The following NRCAM variants were observed in gnomAD, a reference collection of about 807,000 sequenced individuals.
NRCAM encodes NgCAM-related cell adhesion molecule.
Under a neutral mutation model 156.5 loss-of-function variants are expected in NRCAM, and 83 were observed. The ratio of observed to expected loss-of-function variants is 0.53; its 90% CI spans 0.44 to 0.64. NRCAM has a LOEUF of 0.64. Among genes scored for constraint, NRCAM ranks in the 30% least tolerant of loss-of-function variants. The pLI is 0.00. For synonymous variants in NRCAM, 538 were observed against 563.9 expected, an observed-to-expected ratio of 0.95 and a Z score of 0.65; for missense variants, 1,417 against 1,597.3, an observed-to-expected ratio of 0.89 and a Z score of 1.92.
chr7:108,297,805 G>A (rs530267390), intron 3 of NRCAM, among the ~76,000 whole-genome samples: 13 of 152,354 alleles, frequency 8.5e-5, no homozygotes, highest in Middle Eastern at 3.4e-3. Context: ...GCACGTATGT[G>A]TGTGTATATG....
rs112233366 is a variant in NRCAM, at chr7:108,269,519, T to C, written c.-106-29349A>G. ...AGTCACGCAGAAGGAAGGGTCTCACTGGGAGGGAAAGGATGGGTGACGGGG... is the reference window on the plus strand; with the variant it reads ...AGTCACGCAGAAGGAAGGGTCTCACCGGGAGGGAAAGGATGGGTGACGGGG... On this transcript the variant is annotated intron_variant, in intron 3 of 32. Coordinates refer to ENST00000379028, the MANE Select transcript of NRCAM (RefSeq NM_001037132.4). Among the ~76,000 whole-genome samples, 150 of 152,176 alleles carry C rather than the reference T, an allele frequency of 9.9e-4. 1 individual carries two copies. The highest frequency in any genetic ancestry group is 3.5e-3 in the African/African-American group (144 of 41,524).
At chr7:108,431,330 C>T (rs1034189727) in intron 1 of NRCAM, among the ~76,000 whole-genome samples, 2 of 152,192 alleles carry the variant, frequency 1.3e-5, no homozygotes, top group Non-Finnish European at 2.9e-5. Flanking sequence ...ACATCAGCAC[C>T]CTCCCTGCCA....
intron 2 of NRCAM, among the ~76,000 whole-genome samples, chr7:108,373,717 T>C (rs1156694369): frequency 1.3e-5 from 2 of 152,206 alleles, no homozygotes; most frequent in Non-Finnish European, 2.9e-5. Flanking sequence ...GCAAGACTTG[T>C]GAACTTGTGA....
chr7:108,357,319 G>A (rs1188602075), intron 2 of NRCAM, among the ~76,000 whole-genome samples: 1 of 148,112 alleles, frequency 6.8e-6, no homozygotes, highest in Non-Finnish European at 1.5e-5. Context: ...GTACTCTTTT[G>A]TTAGGTGGGG....
intron 3 of NRCAM, among the ~76,000 whole-genome samples, chr7:108,241,389 T>A (rs1275296876): frequency 6.6e-6 from 1 of 152,162 alleles, no homozygotes; most frequent in Non-Finnish European, 1.5e-5. Context: ...CCTGAAATGA[T>A]AGGTTTAATC....
intron 25 of NRCAM, among the ~76,000 whole-genome samples, chr7:108,179,020 TTGTC>T (rs2062110245): frequency 1.3e-5 from 2 of 152,314 alleles, no homozygotes; most frequent in South Asian, 2.1e-4. Flanking sequence ...CTAGATGTCT[TTGTC>T]TGGTCCTAAA....
chr7:108,285,678 C>G (rs781734806), intron 3 of NRCAM, among the ~76,000 whole-genome samples: 9 of 152,172 alleles, frequency 5.9e-5, no homozygotes, highest in Non-Finnish European at 1.3e-4. Context: ...CATTGGGAAG[C>G]TAGAAACAAA....
At chr7:108,257,022 AAAAG>A (rs2096704523) in intron 3 of NRCAM, among the ~76,000 whole-genome samples, 1 of 138,558 alleles carries the variant, frequency 7.2e-6, no homozygotes, top group Non-Finnish European at 1.7e-5. Flanking sequence ...AAAAAAAAGA[AAAAG>A]AAAAAGAAAA....
intron 20 of NRCAM, among the ~76,000 whole-genome samples, chr7:108,187,868 T>C (rs557650551): frequency 1.3e-5 from 2 of 151,528 alleles, no homozygotes; most frequent in Non-Finnish European, 2.9e-5. Context: ...GGCAGGAGAA[T>C]GGCGTGAACC....
chr7:108,185,520 G>A (rs1308366940), intron 20 of NRCAM, among the ~76,000 whole-genome samples: 2 of 152,078 alleles, frequency 1.3e-5, no homozygotes, highest in Non-Finnish European at 2.9e-5. Context: ...TGGAGTCCAG[G>A]AGTCTGAGAC....
chr7:108,447,694 G>C (rs949755238), intron 1 of NRCAM, among the ~76,000 whole-genome samples: 1 of 152,130 alleles, frequency 6.6e-6, no homozygotes, highest in African/African-American at 2.4e-5. Flanking sequence ...AATAACTTTA[G>C]CTTTCAATTC....
intron 3 of NRCAM, among the ~76,000 whole-genome samples, chr7:108,256,536 A>T (rs2096671054): frequency 1.3e-5 from 2 of 151,208 alleles, no homozygotes; most frequent in Non-Finnish European, 3.0e-5. Context: ...CCTTGTTCAC[A>T]TGTTTATCTG....
At chr7:108,163,278 C>T (rs945982851) in intron 30 of NRCAM, among the ~76,000 whole-genome samples, 1 of 152,044 alleles carries the variant, frequency 6.6e-6, no homozygotes, top group African/African-American at 2.4e-5. Flanking sequence ...GCTTTGTTTT[C>T]TGGAAGTCAG....
At chr7:108,256,174 T>TG (rs2096652056) in intron 3 of NRCAM, among the ~76,000 whole-genome samples, 1 of 143,710 alleles carries the variant, frequency 7.0e-6, no homozygotes, top group Non-Finnish European at 1.5e-5. Flanking sequence ...GTGGTTTTGT[T>TG]GAATAGAAAA....
chr7:108,402,957 G>C (rs1405994463), intron 1 of NRCAM, among the ~76,000 whole-genome samples: 1 of 152,136 alleles, frequency 6.6e-6, no homozygotes, highest in African/African-American at 2.4e-5. Context: ...CCATACGAGA[G>C]AGCATGTGAA....
intron 13 of NRCAM, among the ~76,000 whole-genome samples, chr7:108,199,381 G>A (rs1430869131): frequency 6.6e-6 from 1 of 152,206 alleles, no homozygotes; most frequent in Non-Finnish European, 1.5e-5. Context: ...CACGGTTGCT[G>A]TAACAACTTA....
chr7:108,187,728 G>A (rs375472952), intron 20 of NRCAM, among the ~76,000 whole-genome samples: 1 of 152,078 alleles, frequency 6.6e-6, no homozygotes, highest in Non-Finnish European at 1.5e-5. Flanking sequence ...GAGGCGGGTG[G>A]ATCACGAGGT....
At chr7:108,411,008 T>TA (rs5886459) in intron 1 of NRCAM, among the ~76,000 whole-genome samples, 38,576 of 152,034 alleles carry the variant, frequency 0.25, 5,189 homozygotes, top group Non-Finnish European at 0.29. Flanking sequence ...TCTGTTTTTT[T>TA]AAAAAAACTT....
chr7:108,374,312 T>C (rs1315769942), intron 2 of NRCAM, among the ~76,000 whole-genome samples: 1 of 152,158 alleles, frequency 6.6e-6, no homozygotes, highest in Non-Finnish European at 1.5e-5. Flanking sequence ...AACTGATAAC[T>C]GAACAAAATC....
Sources: allele counts gnomAD v4.1 joint callset (sites outside exome capture counted in the v4.1 genomes callset), GRCh38; gene constraint gnomAD v4.1.1; transcripts MANE v1.5; gene names NCBI Gene and HGNC (gene_info 2026-07-23, HGNC 2026-07-21).